Variants in ATP2C2 observed in about 807,000 individuals in gnomAD.
The protein encoded by ATP2C2 is ATPase secretory pathway Ca2+ transporting 2.
ATP2C2 carries 171 observed loss-of-function variants against 110.8 expected under a neutral mutation model. The ratio of observed to expected loss-of-function variants is 1.54; its 90% confidence interval spans 1.36 to 1.75. ATP2C2 has a LOEUF of 1.75. Ranked by LOEUF, ATP2C2 falls within the 40% of genes most tolerant of loss-of-function variation. ATP2C2 has a pLI of 0.00. For missense variants in ATP2C2, 1,963 were observed against 1,235.0 expected (o/e 1.59, Z -8.84); for synonymous variants, 804 against 508.4 (o/e 1.58, Z -7.82).
intron 1 of ATP2C2, among the ~76,000 whole-genome samples, chr16:84,395,086 T>C (rs1464022263): frequency 6.6e-6 from 1 of 152,118 alleles, no homozygotes; most frequent in Non-Finnish European, 1.5e-5. Context: ...GACTTTTGGG[T>C]CTCGTGAACT....
chr16:84,397,899 A>T (rs1195984663), intron 1 of ATP2C2, among the ~76,000 whole-genome samples: 2 of 151,858 alleles, frequency 1.3e-5, no homozygotes, highest in Admixed American at 1.3e-4. Flanking sequence ...TGTATACTGC[A>T]TGGCACCATT....
At chr16:84,439,056 C>A (rs181962433) in intron 11 of ATP2C2, 110 bp from the exon 12 acceptor site, 2 of 1,486,902 alleles carry the variant, frequency 1.3e-6, no homozygotes, top group Admixed American at 3.6e-5. Flanking sequence ...AACCAGGACA[C>A]TGGGGACACC....
At chr16:84,409,288 C>T (rs1310943946) in intron 4 of ATP2C2, among the ~76,000 whole-genome samples, 5 of 152,098 alleles carry the variant, frequency 3.3e-5, no homozygotes, top group Admixed American at 2.6e-4. Flanking sequence ...ATCACACACT[C>T]GGGCCTTTCA....
At chr16:84,460,545 C>A in intron 23 of ATP2C2, 109 bp from the exon 24 acceptor site, 1 of 1,498,384 alleles carries the variant, frequency 6.7e-7, no homozygotes, top group Non-Finnish European at 9.3e-7. Flanking sequence ...AAATGCCTGG[C>A]CCTGCCCCCT....
In ATP2C2 at chr16:84,439,279, T is replaced by G. The variant is rs1473743886; in HGVS notation, c.1100T>G (p.Val367Gly). 2.6e-5 allele frequency: 42 copies of G among 1,612,754 alleles called. 1 individual carries two copies. In the East Asian group the frequency reaches 7.8e-4, roughly 30 times the overall value. Residue 367 changes from valine (V) to glycine (G), a missense_variant, in exon 12 of 27, where the codon GTG becomes GGG. Physicochemically the swap from Val to Gly is moderately radical, Grantham distance 109 (BLOSUM62 -3). Coordinates refer to ENST00000262429, the MANE Select transcript of ATP2C2 (RefSeq NM_014861.4). The part of the protein sequence containing the change: ...KRVIVKKLPI[V>G]ETLGCCSVLC... The stretch of plus-strand genomic sequence containing the variant: ...GTCATCGTGAAGAAGTTACCCATCG[T>G]GGAGACTTTAGGTGAGGGACTCCAG...
Position 84,452,091 on chromosome 16 carries a change from G to C in ATP2C2, c.1831G>C (p.Gly611Arg). 8.1e-6 allele frequency: 13 copies of C among 1,614,078 alleles called. No homozygotes were observed. Among genetic ancestry groups the C allele is most frequent in the Non-Finnish European group, 1.1e-5 (13 of 1,180,000 alleles). Residue 611 changes from glycine (G) to arginine (R), a missense_variant and splice_region_variant, in exon 18 of 27, where the codon GGA (glycine) becomes CGA (arginine). Transcript: ENST00000262429. Reference protein sequence around the residue: ...GDALETALAIGRNIGLCNGKL... With the variant: ...GDALETALAIRRNIGLCNGKL... ...TGCCCTGGAGACGGCCTTGGCCATA[G>C]GTAACTGGGACAGGGTCGGGGGTGA...
At chr16:84,388,589 G>C (rs4053324) in intron 1 of ATP2C2, among the ~76,000 whole-genome samples, 23,326 of 152,130 alleles carry the variant, frequency 0.15, 1,939 homozygotes, top group East Asian at 0.27. Flanking sequence ...GCCTTGGAAA[G>C]AAGGAAGCAT....
At chr16:84,434,253 TA>T (rs1047097301) in intron 11 of ATP2C2, among the ~76,000 whole-genome samples, 10 of 149,668 alleles carry the variant, frequency 6.7e-5, no homozygotes, top group African/African-American at 2.5e-4. Flanking sequence ...CCGTCTCTAC[TA>T]AAAATACAAA....
At chr16:84,375,852 A>C (rs1318121) in intron 1 of ATP2C2, among the ~76,000 whole-genome samples, 151,198 of 152,210 alleles carry the variant, frequency 0.99, 75,099 homozygotes, top group Middle Eastern at 1. Context: ...AATTTTGTAG[A>C]CAGAAAAAAA....
At chr16:84,434,716 A>G (rs1043144405) in intron 11 of ATP2C2, among the ~76,000 whole-genome samples, 1 of 151,738 alleles carries the variant, frequency 6.6e-6, no homozygotes, top group Non-Finnish European at 1.5e-5. Context: ...CGGGGTTTCA[A>G]CACGTTGGCC....
chr16:84,459,350 G>A lies in ATP2C2; in HGVS notation c.2297G>A (p.Trp766Ter). Residue 766 changes from tryptophan (W) to a stop codon, truncating the protein, a stop_gained, in exon 23 of 27, where the codon TGG becomes TAG. Transcript: ENST00000262429. LOFTEE classifies it high-confidence loss of function. The stretch of plus-strand genomic sequence containing the variant: ...CCCCTCAACGCCATGCAGATCCTAT[G>A]GATCAACATCATCATGGATGGGCCA... Reference protein sequence around the residue: ...PSPLNAMQILWINIIMDGPPA... With the variant: ...PSPLNAMQIL 1 of 1,614,198 alleles carries A rather than the reference G, an allele frequency of 6.2e-7. No homozygotes were observed. Among genetic ancestry groups the A allele is most frequent in the South Asian group, 1.1e-5 (1 of 91,088 alleles).
At chr16:84,445,132 C>G (rs1358299491) in intron 15 of ATP2C2, among the ~76,000 whole-genome samples, 1 of 152,156 alleles carries the variant, frequency 6.6e-6, no homozygotes, top group Admixed American at 6.5e-5. Context: ...GCAGACGCAT[C>G]CCTGCCTTGG....
rs183290432 is a variant in ATP2C2, at chr16:84,448,005, C to T, written c.1504-528C>T. 9.8e-4 allele frequency among the ~76,000 whole-genome samples: 149 copies of T among 151,920 alleles called. 2 individuals carry two copies. The highest frequency in any genetic ancestry group is 3.4e-3 in the African/African-American group (142 of 41,394). On this transcript the variant is annotated intron_variant, in intron 16 of 26. Coordinates refer to ENST00000262429, the MANE Select transcript of ATP2C2 (RefSeq NM_014861.4). ...GGGGTACAGTGTGACTCTCACTGAC[C>T]CAGGGCCTCCCCCCGTGGAGTTCAT...
At chr16:84,425,318 A>C (rs1029989230) in intron 10 of ATP2C2, among the ~76,000 whole-genome samples, 1 of 152,230 alleles carries the variant, frequency 6.6e-6, no homozygotes, top group African/African-American at 2.4e-5. Flanking sequence ...GAGTATATTT[A>C]ATCATGAGTA....
At chr16:84,395,837 A>G (rs1904940069) in intron 1 of ATP2C2, among the ~76,000 whole-genome samples, 1 of 152,176 alleles carries the variant, frequency 6.6e-6, no homozygotes, top group East Asian at 1.9e-4. Flanking sequence ...AAATATACAT[A>G]ACATAAAATT....
intron 1 of ATP2C2, among the ~76,000 whole-genome samples, chr16:84,371,537 G>T (rs548129690): frequency 1.1e-4 from 16 of 152,316 alleles, no homozygotes; most frequent in Admixed American, 5.9e-4. Flanking sequence ...GTCTTTGAGA[G>T]GCCTCCTTAA....
intron 2 of ATP2C2, among the ~76,000 whole-genome samples, chr16:84,399,757 G>A (rs1401897531): frequency 1.3e-5 from 2 of 152,158 alleles, no homozygotes; most frequent in Non-Finnish European, 1.5e-5. Flanking sequence ...TATCCTTTGT[G>A]TTACAAGTCA....
Position 84,418,810 on chromosome 16 carries a change from G to C in ATP2C2, c.624+3219G>C, listed in dbSNP as rs529423758. On this transcript the variant is annotated intron_variant, in intron 7 of 26. Coordinates refer to ENST00000262429, the MANE Select transcript of ATP2C2 (RefSeq NM_014861.4). ...CTCCATGTATCCGTTGCCCATGGCT[G>C]CTGTGGCAGATGACCGCTTACTTAG... Among the ~76,000 whole-genome samples the C allele has an allele frequency of 2.3e-3, 349 of 152,328 alleles. 2 individuals are homozygous for C. The highest frequency in any genetic ancestry group is 8.0e-3 in the African/African-American group (332 of 41,564).
At chr16:84,439,135 T>C (rs1431643350) in intron 11 of ATP2C2, 31 bp from the exon 12 acceptor site, 10 of 1,611,536 alleles carry the variant, frequency 6.2e-6, no homozygotes, top group Non-Finnish European at 8.5e-6. Flanking sequence ...TTAAATGTGT[T>C]AGAGGGGACT....
Sources: allele counts gnomAD v4.1 joint callset (sites outside exome capture counted in the v4.1 genomes callset), GRCh38; gene constraint gnomAD v4.1.1; transcripts MANE v1.5; gene names NCBI Gene and HGNC (gene_info 2026-07-23, HGNC 2026-07-21).